Variants in CRYBA4 observed in about 807,000 individuals in gnomAD.
CRYBA4 encodes the protein beta-crystallin A4.
Under a neutral mutation model 31.7 loss-of-function variants are expected in CRYBA4, and 30 were observed. The observed-to-expected ratio is 0.95, with a 90% CI of 0.71 to 1.28. The LOEUF (loss-of-function observed/expected upper bound fraction) is 1.28. Among genes scored for constraint, CRYBA4 ranks in the 50% most tolerant of loss-of-function variants. CRYBA4 has a pLI of 0.00. For missense variants in CRYBA4, 225 were observed against 260.7 expected (o/e 0.86, Z 0.94); for synonymous variants, 102 against 102.3 (o/e 1.00, Z 0.02).
At chr22:26,598,528 C>T in the CRYBA4 span, among the ~76,000 whole-genome samples, 1 of 151,986 alleles carries the variant, frequency 6.6e-6, no homozygotes, top group African/African-American at 2.4e-5. Context: ...GGATTACAGG[C>T]GCACGCCACC....
chr22:26,594,633 G>A, the CRYBA4 span, among the ~76,000 whole-genome samples: 1 of 152,140 alleles, frequency 6.6e-6, no homozygotes, highest in African/African-American at 2.4e-5. Context: ...GGAGGTTGTG[G>A]TGGGCTGAGA....
At chr22:26,629,318 C>G (rs116215822) in intron 5 of CRYBA4, among the ~76,000 whole-genome samples, 1,867 of 151,704 alleles carry the variant, frequency 0.012, 44 homozygotes, top group African/African-American at 0.043. Flanking sequence ...TCTCAGGAAC[C>G]ACCAAAGAAT....
At chr22:26,628,252 AGCCT>A (rs748862238) in intron 4 of CRYBA4, 32 bp from the exon 5 acceptor site, 1 of 1,613,402 alleles carries the variant, frequency 6.2e-7, no homozygotes, top group Non-Finnish European at 8.5e-7. Flanking sequence ...TCCAACTGGG[AGCCT>A]GCTGGTCTGA....
the CRYBA4 span, chr22:26,599,608 C>T: frequency 3.8e-5 from 62 of 1,614,198 alleles, no homozygotes; most frequent in South Asian, 3.5e-4. Flanking sequence ...ATTCCAGTGC[C>T]GGAAGTCACC....
At chr22:26,627,357 C>CTCCCTCCCTCCCTCCCTCCCTCCT in intron 4 of CRYBA4, among the ~76,000 whole-genome samples, 1 of 32,810 alleles carries the variant, frequency 3.0e-5, no homozygotes, top group Admixed American at 3.5e-4. Flanking sequence ...CCCTCCCTCC[C>CTCCCTCCCTCCCTCCCTCCCTCCT]TCCTTTCTTT....
the CRYBA4 span, among the ~76,000 whole-genome samples, chr22:26,605,992 T>A: frequency 6.6e-6 from 1 of 152,216 alleles, no homozygotes; most frequent in South Asian, 2.1e-4. Context: ...ATTTGTGAAC[T>A]TTCTTAAAAC....
the CRYBA4 span, among the ~76,000 whole-genome samples, chr22:26,599,934 A>G: frequency 2.6e-5 from 4 of 152,196 alleles, no homozygotes; most frequent in African/African-American, 9.7e-5. Context: ...CAAATGGAGA[A>G]TGCACCTCAA....
At chr22:26,615,608 G>T in the CRYBA4 span, among the ~76,000 whole-genome samples, 1 of 151,970 alleles carries the variant, frequency 6.6e-6, no homozygotes, top group Non-Finnish European at 1.5e-5. Flanking sequence ...CCGCCTCCTG[G>T]GTTCAAGTGA....
chr22:26,598,383 CTCTT>C, the CRYBA4 span, among the ~76,000 whole-genome samples: 38 of 151,728 alleles, frequency 2.5e-4, no homozygotes, highest in African/African-American at 8.9e-4. Flanking sequence ...CGCTCTCTCT[CTCTT>C]TCTTTCTTTG....
At chr22:26,599,712 G>A in the CRYBA4 span, 1 of 1,571,848 alleles carries the variant, frequency 6.4e-7, no homozygotes, top group African/African-American at 1.3e-5. Context: ...GAGACAGCCT[G>A]TCTCGTTGCC....
chr22:26,628,147 C>A, intron 4 of CRYBA4, 141 bp from the exon 5 acceptor site: 1 of 1,067,306 alleles, frequency 9.4e-7, no homozygotes, highest in Non-Finnish European at 1.4e-6. Flanking sequence ...GTTTCTGGTA[C>A]CTGTTGCCTT....
chr22:26,597,608 C>T, the CRYBA4 span, among the ~76,000 whole-genome samples: 1 of 152,130 alleles, frequency 6.6e-6, no homozygotes, highest in African/African-American at 2.4e-5. Flanking sequence ...GGAAGATATC[C>T]ATAGCAACCC....
chr22:26,607,869 C>G, the CRYBA4 span: 4 of 1,614,102 alleles, frequency 2.5e-6, no homozygotes, highest in Non-Finnish European at 3.4e-6. Flanking sequence ...TTCTCCAGCC[C>G]CAGCCGGAGA....
At chr22:26,629,025 A>T (rs1929837347) in intron 5 of CRYBA4, among the ~76,000 whole-genome samples, 2 of 152,136 alleles carry the variant, frequency 1.3e-5, no homozygotes, top group Admixed American at 6.5e-5. Flanking sequence ...TGGCTAGAAG[A>T]GGGGAGAATG....
chr22:26,608,384 T>C, the CRYBA4 span, among the ~76,000 whole-genome samples: 1 of 152,110 alleles, frequency 6.6e-6, no homozygotes, highest in African/African-American at 2.4e-5. Flanking sequence ...AAGGAACACA[T>C]AGACATTTGA....
the CRYBA4 span, among the ~76,000 whole-genome samples, chr22:26,613,349 C>T: frequency 6.6e-6 from 1 of 152,174 alleles, no homozygotes; most frequent in South Asian, 2.1e-4. Context: ...TCCACTTCTA[C>T]CTTTGGTTGC....
At chr22:26,615,144 A>G in the CRYBA4 span, among the ~76,000 whole-genome samples, 283 of 152,358 alleles carry the variant, frequency 1.9e-3, 7 homozygotes, top group East Asian at 0.052. Context: ...CACTGACCAC[A>G]TGAGAGCGTG....
chr22:26,629,734 CAAAAAAAAAA>C (rs66906132), intron 5 of CRYBA4, among the ~76,000 whole-genome samples: 31,539 of 81,554 alleles, frequency 0.39, 4,809 homozygotes, highest in East Asian at 0.56. Flanking sequence ...GACTCTGTCT[CAAAAAAAAAA>C]AAAAAAAAAA....
chr22:26,600,253 T>A, the CRYBA4 span, among the ~76,000 whole-genome samples: 6 of 151,984 alleles, frequency 3.9e-5, no homozygotes, highest in Admixed American at 6.6e-5. Context: ...TACAAAAAAA[T>A]TAGCAGGGTG....
Sources: allele counts gnomAD v4.1 joint callset (sites outside exome capture counted in the v4.1 genomes callset), GRCh38; gene constraint gnomAD v4.1.1; transcripts MANE v1.5; gene names NCBI Gene and HGNC (gene_info 2026-07-23, HGNC 2026-07-21).